The following ADAMTS18 variants were observed in gnomAD, a reference collection of about 807,000 sequenced individuals.
ADAMTS18 encodes A disintegrin and metalloproteinase with thrombospondin motifs 18.
A neutral mutation model predicts 165.9 loss-of-function variants in ADAMTS18; 157 were observed. That is an observed-to-expected ratio of 0.95 (90% CI 0.83 to 1.08). The LOEUF is 1.08. ADAMTS18 is among the 50% of genes least tolerant of loss of function. The pLI, the probability that ADAMTS18 is intolerant of heterozygous loss-of-function variation, is 0.00. For missense variants in ADAMTS18, 2,040 were observed against 1,534.0 expected (o/e 1.33, Z -5.51); for synonymous variants, 782 against 578.2 (o/e 1.35, Z -5.06).
rs77980045 is a variant in ADAMTS18, at chr16:77,410,530, A to G, written c.495+20765T>C. Among the ~76,000 whole-genome samples the G allele has an allele frequency of 2.7e-3, 416 of 152,282 alleles. 4 individuals are homozygous for G. The highest frequency in any genetic ancestry group is 9.7e-3 in the African/African-American group (403 of 41,572). On this transcript the variant is annotated intron_variant, in intron 3 of 22. Transcript: ENST00000282849. Reference sequence around the variant, plus strand: ...CTAAAGATGGCAGTTTGAGAACTGCATCCCTAATCCTATCTTCAAATGAGT... The same window carrying G: ...CTAAAGATGGCAGTTTGAGAACTGCGTCCCTAATCCTATCTTCAAATGAGT...
At chr16:77,368,936 G>T (rs749317891) in intron 3 of ADAMTS18, among the ~76,000 whole-genome samples, 1 of 152,166 alleles carries the variant, frequency 6.6e-6, no homozygotes, top group Non-Finnish European at 1.5e-5. Context: ...GGATATCTTC[G>T]TACCTGATTT....
Position 77,413,289 on chromosome 16 carries a change from G to C in ADAMTS18, c.495+18006C>G, listed in dbSNP as rs183488700. Reference sequence around the variant, plus strand: ...CTAAGGAAACCAGGACTCAGCAAGGGAATAAAACATTAAAACTAAAGACAG... The same window carrying C: ...CTAAGGAAACCAGGACTCAGCAAGGCAATAAAACATTAAAACTAAAGACAG... On this transcript the variant is annotated intron_variant, in intron 3 of 22. Coordinates refer to ENST00000282849, the MANE Select transcript of ADAMTS18 (RefSeq NM_199355.4). 3.9e-5 allele frequency among the ~76,000 whole-genome samples: 6 copies of C among 152,198 alleles called. No homozygotes were observed. The East Asian group carries it at 1.2e-3, about 29-fold the overall frequency.
intron 22 of ADAMTS18, among the ~76,000 whole-genome samples, chr16:77,285,650 T>A (rs1478512796): frequency 6.6e-6 from 1 of 152,244 alleles, no homozygotes; most frequent in Non-Finnish European, 1.5e-5. Flanking sequence ...TGTATTACTA[T>A]TCTGTCAGTA....
intron 17 of ADAMTS18, chr16:77,299,963 A>C: frequency 4.7e-6 from 1 of 214,554 alleles, no homozygotes; most frequent in Non-Finnish European, 9.4e-6. Context: ...ATATATATAT[A>C]ATATAAATAT....
At chr16:77,356,901 C>T (rs906566749) in intron 8 of ADAMTS18, among the ~76,000 whole-genome samples, 1 of 150,900 alleles carries the variant, frequency 6.6e-6, no homozygotes, top group East Asian at 1.9e-4. Flanking sequence ...TTACTTCAGG[C>T]GATGTTAAAG....
chr16:77,407,422 A>G (rs1248933180), intron 3 of ADAMTS18, among the ~76,000 whole-genome samples: 1 of 152,030 alleles, frequency 6.6e-6, no homozygotes, highest in African/African-American at 2.4e-5. Flanking sequence ...CAGTCCAAAT[A>G]AATACCCCAG....
In ADAMTS18 at chr16:77,334,998, T is replaced by C. The variant is rs865807869; in HGVS notation, c.1859+758A>G. ...ATAGTATATAGTAGTATATATACTG[T>C]ATATTAATAGTATATAGTAGTATAT... On this transcript the variant is annotated intron_variant, in intron 12 of 22. Coordinates refer to ENST00000282849, the MANE Select transcript of ADAMTS18 (RefSeq NM_199355.4). Among the ~76,000 whole-genome samples the C allele has an allele frequency of 6.2e-5, 9 of 144,040 alleles. No homozygotes were observed. In the South Asian group the frequency reaches 8.5e-4, roughly 14 times the overall value. 94.5% of individuals were successfully genotyped at this position (144,040 alleles called of 152,430 possible). A position where few individuals can be genotyped will look rare whatever the true frequency, so the allele number is the denominator to read the frequency against.
At chr16:77,386,674 T>C (rs1281688332) in intron 3 of ADAMTS18, among the ~76,000 whole-genome samples, 2 of 152,188 alleles carry the variant, frequency 1.3e-5, no homozygotes, top group African/African-American at 4.8e-5. Context: ...AGTTGATGCA[T>C]TTCTTATGCA....
In ADAMTS18 at chr16:77,434,675, G is replaced by A. The variant is rs2057776016; in HGVS notation, c.21C>T (p.Leu7=). 2.0e-6 allele frequency: 3 copies of A among 1,478,324 alleles called. No individual in the cohort carries two copies. The highest frequency in any genetic ancestry group is 2.9e-5 in the East Asian group (1 of 34,434). The allele number at this position is 1,478,324 out of a possible 1,614,324, so 91.6% of individuals were successfully genotyped here. The stretch of plus-strand genomic sequence containing the variant: ...AACCCGCAGCCGGGAAGGCACACGC[G>A]AGCAGGAGGGCGCACTCCATGGTCA... MECALL[L]ACAFPAAGSG... is the part of the protein sequence containing the mutation. Residue 7 remains leucine (L), a synonymous_variant, in exon 1 of 23, where the codon CTC becomes CTT. Transcript: ENST00000282849.
rs541720198 is a variant in ADAMTS18, at chr16:77,356,929, A to G, written c.1323-852T>C. On this transcript the variant is annotated intron_variant, in intron 8 of 22. Coordinates refer to ENST00000282849, the MANE Select transcript of ADAMTS18 (RefSeq NM_199355.4). ...TGTTAAAGTGGTAGAAGATGGGGAA[A>G]TAAGAGTCTTTGATCTTCTCTAAAA... 7.9e-5 allele frequency among the ~76,000 whole-genome samples: 12 copies of G among 151,936 alleles called. No individual in the cohort carries two copies. The South Asian group carries it at 1.2e-3, about 16-fold the overall frequency.
intron 11 of ADAMTS18, among the ~76,000 whole-genome samples, chr16:77,339,377 T>C (rs77581269): frequency 0.01 from 1,540 of 152,194 alleles, 33 homozygotes; most frequent in African/African-American, 0.035. Flanking sequence ...GGTGTGGCAG[T>C]TGTATCAAGA....
chr16:77,337,899 T>A (rs1437227840), intron 11 of ADAMTS18, among the ~76,000 whole-genome samples: 1 of 124,832 alleles, frequency 8.0e-6, no homozygotes, highest in Non-Finnish European at 1.8e-5. Context: ...CCATCTTTTC[T>A]TTTCTTTTCT....
chr16:77,369,710 A>T (rs2056849136), intron 3 of ADAMTS18, among the ~76,000 whole-genome samples: 1 of 152,190 alleles, frequency 6.6e-6, no homozygotes, highest in Non-Finnish European at 1.5e-5. Context: ...TTGAAAACAA[A>T]TTGAAGAGGG....
At chr16:77,429,850 T>G (rs1190577558) in intron 3 of ADAMTS18, among the ~76,000 whole-genome samples, 2 of 152,150 alleles carry the variant, frequency 1.3e-5, no homozygotes, top group Admixed American at 6.6e-5. Flanking sequence ...AAGAAATAAT[T>G]GAATCCCCAC....
rs570335410 is a variant in ADAMTS18 at position 77,356,062 on chromosome 16, G to A, written c.1338C>T (p.His446=). The change falls in exon 9 of 23, where the codon CAC becomes CAT. Residue 446 remains histidine, a synonymous_variant. Coordinates refer to ENST00000282849, the MANE Select transcript of ADAMTS18 (RefSeq NM_199355.4). ...HESGHNFGMI[H]DGEGNPCRKA... ...TTCTGCAGGGATTCCCTTCTCCATC[G>A]TGAATCATACCAAAGCTGAAACAGA... is the stretch of plus-strand genomic sequence containing the variant. 27 of 1,613,954 alleles carry A rather than the reference G, an allele frequency of 1.7e-5. No individual in the cohort carries two copies. The highest frequency in any genetic ancestry group is 4.0e-5 in the African/African-American group (3 of 74,994).
intron 16 of ADAMTS18, among the ~76,000 whole-genome samples, chr16:77,311,775 G>C (rs2055785661): frequency 1.3e-5 from 2 of 149,444 alleles, no homozygotes; most frequent in Non-Finnish European, 3.0e-5. Context: ...ATACAAGCAA[G>C]GCACGTCCAA....
intron 18 of ADAMTS18, among the ~76,000 whole-genome samples, chr16:77,296,009 T>TGG (rs1468675650): frequency 6.8e-6 from 1 of 146,270 alleles, no homozygotes; most frequent in Non-Finnish European, 1.5e-5. Flanking sequence ...AAAAAAAAAG[T>TGG]GTGTGTGTGT....
intron 3 of ADAMTS18, among the ~76,000 whole-genome samples, chr16:77,368,363 C>T (rs2144746361): frequency 6.6e-6 from 1 of 152,216 alleles, no homozygotes. Context: ...CCATGTTCAC[C>T]ACTGGATAGA....
chr16:77,400,838 C>G (rs188265749), intron 3 of ADAMTS18, among the ~76,000 whole-genome samples: 4 of 152,180 alleles, frequency 2.6e-5, no homozygotes, highest in Non-Finnish European at 4.4e-5. Flanking sequence ...CTCTAGAAAG[C>G]ATTCTTATAC....
Sources: allele counts gnomAD v4.1 joint callset (sites outside exome capture counted in the v4.1 genomes callset), GRCh38; gene constraint gnomAD v4.1.1; transcripts MANE v1.5; gene names NCBI Gene and HGNC (gene_info 2026-07-23, HGNC 2026-07-21).